The following NSRP1 variants were observed in gnomAD, a reference collection of about 807,000 sequenced individuals.
The protein encoded by NSRP1 is coiled-coil domain containing 55.
A neutral mutation model predicts 54.7 loss-of-function variants in NSRP1; 24 were observed. The observed-to-expected ratio is 0.44, with a 90% CI of 0.32 to 0.62. NSRP1 has a LOEUF of 0.62. NSRP1 is among the 20% of genes least tolerant of loss of function. NSRP1 has a pLI of 0.06. For synonymous variants in NSRP1, 210 were observed against 213.8 expected (o/e 0.98, Z 0.15); for missense variants, 596 against 651.2 (o/e 0.92, Z 0.92).
At chr17:30,138,532 A>G (rs1015939351) in intron 2 of NSRP1, among the ~76,000 whole-genome samples, 2 of 152,234 alleles carry the variant, frequency 1.3e-5, no homozygotes, top group African/African-American at 4.8e-5. Flanking sequence ...GTAAATAGTT[A>G]TACTCTATTG....
chr17:30,135,750 G>A (rs1336393524), intron 2 of NSRP1, among the ~76,000 whole-genome samples: 4 of 151,644 alleles, frequency 2.6e-5, no homozygotes, highest in South Asian at 2.1e-4. Context: ...GATTACAGGC[G>A]TGAGCCACCA....
intron 2 of NSRP1, among the ~76,000 whole-genome samples, chr17:30,171,450 T>C (rs1904930176): frequency 6.6e-6 from 1 of 151,050 alleles, no homozygotes; most frequent in African/African-American, 2.4e-5. Context: ...GGATTACAGC[T>C]GTGCTCCAAC....
chr17:30,180,451 C>CATCCT (rs2143010333), intron 5 of NSRP1, among the ~76,000 whole-genome samples: 1 of 152,318 alleles, frequency 6.6e-6, no homozygotes, highest in African/African-American at 2.4e-5. Flanking sequence ...CCACTGCGCC[C>CATCCT]ATCCTCTTCA....
intron 5 of NSRP1, among the ~76,000 whole-genome samples, chr17:30,180,659 C>G (rs1021222763): frequency 1.3e-5 from 2 of 152,164 alleles, no homozygotes; most frequent in South Asian, 4.1e-4. Context: ...TATATGATCT[C>G]TGTCGCAGTT....
intron 6 of NSRP1, among the ~76,000 whole-genome samples, chr17:30,182,360 T>C (rs1905335928): frequency 6.6e-6 from 1 of 152,058 alleles, no homozygotes; most frequent in South Asian, 2.1e-4. Flanking sequence ...GTAAATAAAG[T>C]AGGTTGGGCG....
intron 1 of NSRP1, chr17:30,117,090 T>G: frequency 1.3e-6 from 1 of 763,644 alleles, no homozygotes; most frequent in East Asian, 2.5e-5. Context: ...TAAAGGAAGT[T>G]AGGCTGAGGG....
chr17:30,117,767 T>G (rs956247024), intron 1 of NSRP1, among the ~76,000 whole-genome samples: 1 of 152,150 alleles, frequency 6.6e-6, no homozygotes, highest in African/African-American at 2.4e-5. Context: ...ATGTTTTTTT[T>G]TTTTTTTTTT....
At chr17:30,117,072 T>C (rs1328345808) in intron 1 of NSRP1, 1 of 778,710 alleles carries the variant, frequency 1.3e-6, no homozygotes. Flanking sequence ...GAGAAACTTG[T>C]GAGGAAATAA....
At chr17:30,149,608 A>G (rs2071887219) in intron 2 of NSRP1, among the ~76,000 whole-genome samples, 1 of 152,056 alleles carries the variant, frequency 6.6e-6, no homozygotes, top group Non-Finnish European at 1.5e-5. Flanking sequence ...AGGCAGGAGG[A>G]TTGCTTGAGC....
In NSRP1 at chr17:30,180,941, G is replaced by A. The variant is rs1406902705; in HGVS notation, c.542G>A (p.Ser181Asn). ...CLDVTKQKDL[S>N]GFYRHLLNQA... ...GATGTAACCAAGCAGAAAGATCTCA[G>A]TGGATTTTATAGGCACCTATTAAAT... Residue 181 changes from serine to asparagine, a missense_variant, in exon 6 of 7, where the codon AGT becomes AAT. Ser to Asn is a conservative substitution (Grantham distance 46). Coordinates refer to ENST00000247026, the MANE Select transcript of NSRP1 (RefSeq NM_032141.4). The A allele has an allele frequency of 4.3e-6, 7 of 1,613,512 alleles. No homozygotes were observed. Among genetic ancestry groups the A allele is most frequent in the Admixed American group, 1.7e-5 (1 of 59,984 alleles).
At chr17:30,184,323 A>T (rs911125488) in intron 6 of NSRP1, among the ~76,000 whole-genome samples, 3 of 152,242 alleles carry the variant, frequency 2.0e-5, no homozygotes, top group East Asian at 3.8e-4. Flanking sequence ...GGCTTACCAA[A>T]AAATGAAGAC....
intron 3 of NSRP1, among the ~76,000 whole-genome samples, chr17:30,173,587 A>G (rs747399112): frequency 6.6e-6 from 1 of 152,200 alleles, no homozygotes; most frequent in Non-Finnish European, 1.5e-5. Flanking sequence ...CTCTTTGTCT[A>G]ACTGGAAACC....
chr17:30,126,848 C>A (rs1487680019), intron 2 of NSRP1, among the ~76,000 whole-genome samples: 2 of 152,158 alleles, frequency 1.3e-5, no homozygotes, highest in Non-Finnish European at 2.9e-5. Context: ...CCTTGGCCTC[C>A]CAAAGTGCTA....
At chr17:30,160,377 T>C (rs758555063) in intron 2 of NSRP1, among the ~76,000 whole-genome samples, 3 of 152,152 alleles carry the variant, frequency 2.0e-5, no homozygotes, top group Non-Finnish European at 4.4e-5. Context: ...TTGAGGAGAA[T>C]TGGTATTCTT....
chr17:30,162,353 G>A (rs559613767), intron 2 of NSRP1, among the ~76,000 whole-genome samples: 1 of 152,096 alleles, frequency 6.6e-6, no homozygotes, highest in East Asian at 1.9e-4. Context: ...TTTTTCTGTT[G>A]TAGTTAGTGT....
intron 2 of NSRP1, among the ~76,000 whole-genome samples, chr17:30,121,843 C>A (rs545301517): frequency 6.6e-6 from 1 of 152,128 alleles, no homozygotes; most frequent in Non-Finnish European, 1.5e-5. Context: ...GCTGGGATTA[C>A]AGGCGTGAGC....
intron 2 of NSRP1, among the ~76,000 whole-genome samples, chr17:30,140,969 A>AC (rs2071799819): frequency 6.6e-6 from 1 of 152,140 alleles, no homozygotes; most frequent in Non-Finnish European, 1.5e-5. Flanking sequence ...ATGTGACACC[A>AC]CATCTGGCTA....
chr17:30,172,330 A>C (rs1432763960), intron 2 of NSRP1, among the ~76,000 whole-genome samples: 3 of 152,110 alleles, frequency 2.0e-5, no homozygotes, highest in Non-Finnish European at 1.5e-5. Context: ...AAAATCTAAA[A>C]CTTTTTTGAG....
In NSRP1 at chr17:30,183,259, G is replaced by A. The variant is rs528332499; in HGVS notation, c.618-1356G>A. 3.3e-5 allele frequency among the ~76,000 whole-genome samples: 5 copies of A among 152,050 alleles called. No individual in the cohort carries two copies. In the East Asian group the frequency reaches 9.7e-4, roughly 29 times the overall value. On this transcript the variant is annotated intron_variant, in intron 6 of 6. Transcript: ENST00000247026. ...TTTTTTAACAGGAATGTTCTGGGTA[G>A]ATCTGAGTCTGTGTTGCTAAGGAAG...
Sources: gnomAD v4.1 joint callset for allele counts (sites outside exome capture counted in the v4.1 genomes callset) on GRCh38, gnomAD v4.1.1 for gene constraint, MANE v1.5 for transcripts, NCBI Gene and HGNC (gene_info 2026-07-23, HGNC 2026-07-21) for gene names.